The following TMEM164 variants were observed in gnomAD, a reference collection of about 807,000 sequenced individuals.
TMEM164 encodes RP13-360B22.2.
Under a neutral mutation model 18.8 loss-of-function variants are expected in TMEM164, and 4 were observed. That is an observed-to-expected ratio of 0.21 (90% CI 0.10 to 0.49). The LOEUF (loss-of-function observed/expected upper bound fraction) is 0.49. Ranked by LOEUF, TMEM164 falls within the 20% of genes least tolerant of loss-of-function variation. The pLI, the probability that TMEM164 is intolerant of heterozygous loss-of-function variation, is 0.98. For synonymous variants in TMEM164, 86 were observed against 101.7 expected, an observed-to-expected ratio of 0.85 and a Z score of 0.93; for missense variants, 108 against 239.9, an observed-to-expected ratio of 0.45 and a Z score of 3.63.
At chrX:110,016,078 G>C (rs965068002) in intron 2 of TMEM164, among the ~76,000 whole-genome samples, 6 of 112,553 alleles carry the variant, frequency 5.3e-5, no homozygotes, top group Admixed American at 9.3e-5. Flanking sequence ...CTGCTGACCG[G>C]CTGGGTAGTG....
At chrX:110,111,036 G>A (rs991133260) in intron 4 of TMEM164, among the ~76,000 whole-genome samples, 1 of 112,199 alleles carries the variant, frequency 8.9e-6, no homozygotes, top group Non-Finnish European at 1.9e-5. Flanking sequence ...TCTGTGTTGG[G>A]GAGGGCAGGG....
chrX:110,027,080 C>T (rs747785434), intron 2 of TMEM164, among the ~76,000 whole-genome samples: 1 of 110,941 alleles, frequency 9.0e-6, no homozygotes, highest in African/African-American at 3.3e-5. Context: ...GTGCTTAATA[C>T]AAGTGACAAT....
In TMEM164 at chrX:110,101,838, C is replaced by A. The variant is rs193098484; in HGVS notation, c.441-7242C>A. On this transcript the variant is annotated intron_variant, in intron 3 of 6. Transcript: ENST00000372068. ...GCTCAGGTGATCTCCCCGCCTTGGC[C>A]TCCCAAAGTGCTGGGATTACAGGCG... Among the ~76,000 whole-genome samples, 14 of 110,088 alleles carry A rather than the reference C, an allele frequency of 1.3e-4. No individual in the cohort carries two copies. The Admixed American group carries it at 1.4e-3, about 11-fold the overall frequency.
intron 2 of TMEM164, among the ~76,000 whole-genome samples, chrX:110,044,425 GT>G (rs1287904013): frequency 4.8e-5 from 5 of 104,150 alleles, no homozygotes; most frequent in Admixed American, 1.0e-4. Context: ...AATCTGTCAG[GT>G]TTTTTTTTTG....
At chrX:110,050,439 C>T (rs1286917868) in intron 2 of TMEM164, among the ~76,000 whole-genome samples, 1 of 111,455 alleles carries the variant, frequency 9.0e-6, no homozygotes, top group African/African-American at 3.3e-5. Context: ...ATTTATGCCT[C>T]ATCATATTTT....
intron 5 of TMEM164, among the ~76,000 whole-genome samples, chrX:110,156,098 C>T (rs2067012548): frequency 9.0e-6 from 1 of 111,578 alleles, no homozygotes; most frequent in Non-Finnish European, 1.9e-5. Flanking sequence ...ATAAACTTAT[C>T]TGCTGACAGG....
intron 3 of TMEM164, among the ~76,000 whole-genome samples, chrX:110,084,867 G>C: frequency 9.1e-6 from 1 of 109,956 alleles, no homozygotes; most frequent in Middle Eastern, 4.7e-3. Flanking sequence ...GCTCTCTGCT[G>C]TCTCCAATGT....
intron 3 of TMEM164, among the ~76,000 whole-genome samples, chrX:110,070,761 A>G (rs980595965): frequency 2.7e-5 from 3 of 111,157 alleles, no homozygotes; most frequent in Non-Finnish European, 5.7e-5. Flanking sequence ...GAATAGAAAA[A>G]GAATTAATAG....
At chrX:110,088,991 A>G (rs971402265) in intron 3 of TMEM164, among the ~76,000 whole-genome samples, 7 of 111,694 alleles carry the variant, frequency 6.3e-5, no homozygotes, top group African/African-American at 1.3e-4. Flanking sequence ...TGAAGAATCT[A>G]CTGTGCTATA....
At chrX:110,002,403 G>A (rs1472229156), upstream of TMEM164, among the ~76,000 whole-genome samples, 1 of 110,577 alleles carries the variant, frequency 9.0e-6, no homozygotes, top group East Asian at 2.9e-4. Context: ...CCGGAGGAGG[G>A]AGGAGGAGGG....
chrX:110,008,460 C>A (rs1374058730), intron 2 of TMEM164, among the ~76,000 whole-genome samples: 1 of 111,769 alleles, frequency 8.9e-6, no homozygotes, highest in Non-Finnish European at 1.9e-5. Flanking sequence ...CTGCTGACAG[C>A]TTATCAGATG....
At chrX:110,053,637 A>G (rs938150070) in intron 2 of TMEM164, among the ~76,000 whole-genome samples, 2 of 111,897 alleles carry the variant, frequency 1.8e-5, no homozygotes, top group Non-Finnish European at 3.8e-5. Flanking sequence ...CTCTGACACA[A>G]TTGGTCCTCT....
chrX:110,142,762 G>A (rs1415680757), intron 4 of TMEM164, among the ~76,000 whole-genome samples: 2 of 113,462 alleles, frequency 1.8e-5, no homozygotes, highest in African/African-American at 3.2e-5. Context: ...AGGCCACAGA[G>A]CTACCGAGCA....
At chrX:110,170,059 A>G (rs950520585) in intron 5 of TMEM164, among the ~76,000 whole-genome samples, 10 of 112,065 alleles carry the variant, frequency 8.9e-5, no homozygotes, top group African/African-American at 3.2e-4. Context: ...CTCTGAGGCT[A>G]GTACCTGCTA....
intron 2 of TMEM164, among the ~76,000 whole-genome samples, chrX:110,024,567 C>T (rs775284295): frequency 2.1e-4 from 23 of 112,097 alleles, no homozygotes; most frequent in Non-Finnish European, 3.9e-4. Flanking sequence ...AGCCACTGTG[C>T]CTGTCCTCTA....
At position 110,163,992 on chromosome X, in the gene TMEM164, G is replaced by T. The variant is rs192446587; in HGVS notation, c.587-7428G>T. Among the ~76,000 whole-genome samples the T allele has an allele frequency of 4.1e-3, 461 of 112,370 alleles. 6 individuals are homozygous for T. The highest frequency in any genetic ancestry group is 0.015 in the African/African-American group (449 of 30,919). ...AGGTTAATATCTGAGAGTGAAAATG[G>T]GATAGAAGTATTAAAGATTCGAGAA... On this transcript the variant is annotated intron_variant, in intron 5 of 6. Coordinates refer to ENST00000372068, the MANE Select transcript of TMEM164 (RefSeq NM_032227.4).
chrX:110,016,993 G>A (rs1933417339), intron 2 of TMEM164, among the ~76,000 whole-genome samples: 1 of 112,065 alleles, frequency 8.9e-6, no homozygotes, highest in African/African-American at 3.2e-5. Flanking sequence ...GCTTCTAGCT[G>A]ATTTCCCCTT....
intron 2 of TMEM164, chrX:110,046,380 T>C: frequency 2.7e-6 from 2 of 753,293 alleles, no homozygotes; most frequent in Non-Finnish European, 3.1e-6. Context: ...ATTCATGTAA[T>C]AGAGGAAAGC....
intron 3 of TMEM164, among the ~76,000 whole-genome samples, chrX:110,093,171 C>CT (rs1481508710): frequency 1.8e-5 from 2 of 111,544 alleles, no homozygotes; most frequent in African/African-American, 3.3e-5. Context: ...CTAAAATTCT[C>CT]TTTTTTTGTT....
Sources: gnomAD v4.1 joint callset for allele counts (sites outside exome capture counted in the v4.1 genomes callset) on GRCh38, gnomAD v4.1.1 for gene constraint, MANE v1.5 for transcripts, NCBI Gene and HGNC (gene_info 2026-07-23, HGNC 2026-07-21) for gene names.